The following SLC29A1 variants were observed in gnomAD, a reference collection of about 807,000 sequenced individuals.
The protein encoded by SLC29A1 is solute carrier family 29 member 1 (Augustine blood group).
A neutral mutation model predicts 48.3 loss-of-function variants in SLC29A1; 22 were observed. The ratio of observed to expected loss-of-function variants is 0.46; its 90% confidence interval spans 0.33 to 0.65. The LOEUF (loss-of-function observed/expected upper bound fraction) is 0.65, where lower values mean the gene tolerates loss of function less well. Among genes scored for constraint, SLC29A1 ranks in the 30% least tolerant of loss-of-function variants. SLC29A1 has a pLI of 0.03. For missense variants in SLC29A1, 491 were observed against 575.3 expected, an observed-to-expected ratio of 0.85 and a Z score of 1.50; for synonymous variants, 228 against 231.0, an observed-to-expected ratio of 0.99 and a Z score of 0.12.
At position 44,229,247 on chromosome 6, in the gene SLC29A1, A is replaced by C; in HGVS notation, c.30-143A>C. On this transcript the variant is annotated intron_variant, in intron 2 of 12. Transcript: ENST00000371755. This position sits in a 1 kb window ranked among gnomAD's most constrained non-coding sequence, Gnocchi z 5.1. Reference sequence around the variant, plus strand: ...TTTCTCCCCCCACACCCATAAGAGGACACATGCAAACGGACACAAACACAG... The same window carrying C: ...TTTCTCCCCCCACACCCATAAGAGGCCACATGCAAACGGACACAAACACAG... 1 of 722,178 alleles carries C rather than the reference A, an allele frequency of 1.4e-6. No individual in the cohort carries two copies. Among genetic ancestry groups the C allele is most frequent in the South Asian group, 1.6e-5 (1 of 64,000 alleles). The allele number at this position is 722,178 out of a possible 1,614,324, so 44.7% of individuals were successfully genotyped here. A position where few individuals can be genotyped will look rare whatever the true frequency, so the allele number is the denominator to read the frequency against.
At chr6:44,219,966 C>A (rs1035804073), upstream of SLC29A1, among the ~76,000 whole-genome samples, 5 of 152,248 alleles carry the variant, frequency 3.3e-5, no homozygotes, top group Admixed American at 1.3e-4. Flanking sequence ...CTTCGAAGGC[C>A]ATTATTAGAT....
Position 44,230,472 on chromosome 6 carries a change from G to C in SLC29A1, c.580G>C (p.Ala194Pro). 6.2e-7 allele frequency: 1 copy of C among 1,613,810 alleles called. No homozygotes were observed. The highest frequency in any genetic ancestry group is 8.5e-7 in the Non-Finnish European group (1 of 1,179,940). The change falls in exon 6 of 13, where the codon GCT becomes CCT. Residue 194 changes from alanine to proline, a missense_variant. Physicochemically the swap from Ala to Pro is conservative, Grantham distance 27 (BLOSUM62 -1). Coordinates refer to ENST00000371755, the MANE Select transcript of SLC29A1 (RefSeq NM_001372327.1). The stretch of plus-strand genomic sequence containing the variant: ...CTTTGCCTCCGTGGCCATGATCTGC[G>C]CTATTGCCAGTAAGTCCGGCTATCT... ...GFFASVAMIC[A>P]IASGSELSES...
chr6:44,233,043 C>T, intron 12 of SLC29A1, 37 bp downstream of exon 12: 1 of 1,595,286 alleles, frequency 6.3e-7, no homozygotes, highest in Non-Finnish European at 8.5e-7. Flanking sequence ...TGGCATCAGA[C>T]AGGATCTAGA....
chr6:44,226,371 C>G (rs1160998228), intron 1 of SLC29A1, among the ~76,000 whole-genome samples: 1 of 152,064 alleles, frequency 6.6e-6, no homozygotes, highest in Non-Finnish European at 1.5e-5. Context: ...GACGCTGAGG[C>G]AGAAGGATAG....
chr6:44,225,069 C>CTATT (rs1293239406), intron 1 of SLC29A1, among the ~76,000 whole-genome samples: 4 of 152,176 alleles, frequency 2.6e-5, no homozygotes, highest in African/African-American at 9.7e-5. Flanking sequence ...AGAACAGGAG[C>CTATT]TATTCTCCCC....
intron 7 of SLC29A1, 69 bp downstream of exon 7, chr6:44,230,734 G>A (rs543692667): frequency 2.5e-6 from 4 of 1,575,060 alleles, no homozygotes; most frequent in Admixed American, 3.3e-5. Context: ...GGTGTTCTGA[G>A]GACAAAACCT....
At chr6:44,225,525 G>GA (rs1369570721) in intron 1 of SLC29A1, among the ~76,000 whole-genome samples, 3 of 141,664 alleles carry the variant, frequency 2.1e-5, no homozygotes, top group African/African-American at 5.2e-5. Flanking sequence ...AAAAAAAAAA[G>GA]AAAAAATCTG....
intron 1 of SLC29A1, among the ~76,000 whole-genome samples, chr6:44,225,254 C>T (rs368726276): frequency 6.6e-6 from 1 of 152,096 alleles, no homozygotes; most frequent in African/African-American, 2.4e-5. Context: ...GCCTGTAATC[C>T]CAGCACTTTG....
At chr6:44,224,347 GCTCCCC>G (rs1415079495) in intron 1 of SLC29A1, among the ~76,000 whole-genome samples, 1 of 151,520 alleles carries the variant, frequency 6.6e-6, no homozygotes, top group Non-Finnish European at 1.5e-5. Context: ...GCTTGTGTAA[GCTCCCC>G]ATGCCAGGAT....
chr6:44,223,399 G>T, upstream of SLC29A1: 1 of 296,324 alleles, frequency 3.4e-6, no homozygotes, highest in Non-Finnish European at 5.0e-6. This position sits in a 1 kb window ranked among gnomAD's most constrained non-coding sequence, Gnocchi z 5.0. Flanking sequence ...CCTATCTACC[G>T]CAATAACACG....
At chr6:44,222,273 T>TGGGGGGGGG (rs1776528404), upstream of SLC29A1, among the ~76,000 whole-genome samples, 1 of 41,650 alleles carries the variant, frequency 2.4e-5, no homozygotes, top group Non-Finnish European at 4.9e-5. Context: ...GGGGGTGGGG[T>TGGGGGGGGG]GGGGGAGGGT....
chr6:44,227,126 G>A, intron 1 of SLC29A1, 137 bp from the exon 2 acceptor site: 7 of 1,406,276 alleles, frequency 5.0e-6, no homozygotes, highest in Non-Finnish European at 6.6e-6. Flanking sequence ...TCGTCCTGAG[G>A]GGCAGGGTGC....
intron 7 of SLC29A1, 35 bp downstream of exon 7, chr6:44,230,700 A>C: frequency 2.9e-6 from 1 of 341,108 alleles, no homozygotes; most frequent in Non-Finnish European, 5.4e-6. Flanking sequence ...TTTGGGGTAT[A>C]GGGGTCTGGG....
At chr6:44,225,808 T>G (rs1777396760) in intron 1 of SLC29A1, 1 of 152,156 alleles carries the variant, frequency 6.6e-6, no homozygotes, top group South Asian at 2.1e-4. Context: ...GGAGAGCCCG[T>G]GGAAGGTCTC....
At chr6:44,221,730 C>CA, upstream of SLC29A1, 1 of 1,017,634 alleles carries the variant, frequency 9.8e-7, no homozygotes. This position sits in a 1 kb window ranked among gnomAD's most constrained non-coding sequence, Gnocchi z 4.2. Context: ...CCCTGGCACC[C>CA]AGCAACCTCT....
Position 44,233,739 on chromosome 6 carries a change from G to T in SLC29A1, c.*211G>T. 1 of 583,016 alleles carries T rather than the reference G, an allele frequency of 1.7e-6. No homozygotes were observed. The highest frequency in any genetic ancestry group is 3.1e-6 in the Non-Finnish European group (1 of 325,862). The allele number at this position is 583,016 out of a possible 1,614,324, so 36.1% of individuals were successfully genotyped here. ...TTGTGGGTTTGGGGCTCAGAGTCGA[G>T]GGACGGGGTGTAGCCTCGGCATTTG... On this transcript the variant is annotated 3_prime_UTR_variant, in exon 13 of 13. Coordinates refer to ENST00000371755, the MANE Select transcript of SLC29A1 (RefSeq NM_001372327.1).
In SLC29A1 at chr6:44,230,176, G is replaced by A; in HGVS notation, c.454+130G>A. Reference sequence around the variant, plus strand: ...AGGGAGTGGATGCTGTGAGCAGCTGGGATTCAGAGGCCTGAGTGGGCCTGG... The same window carrying A: ...AGGGAGTGGATGCTGTGAGCAGCTGAGATTCAGAGGCCTGAGTGGGCCTGG... On this transcript the variant is annotated intron_variant, in intron 5 of 12. Transcript: ENST00000371755. 2.0e-6 allele frequency: 3 copies of A among 1,480,670 alleles called. No individual in the cohort carries two copies. In the South Asian group the frequency reaches 3.4e-5, roughly 17 times the overall value. 91.7% of individuals were successfully genotyped at this position (1,480,670 alleles called of 1,614,324 possible).
Position 44,230,549 on chromosome 6 carries a change from A to G in SLC29A1, c.590-19A>G, listed in dbSNP as rs1778591983. The G allele has an allele frequency of 6.2e-7, 1 of 1,613,862 alleles. No homozygotes were observed. The highest frequency in any genetic ancestry group is 1.3e-5 in the African/African-American group (1 of 74,922). On this transcript the variant is annotated intron_variant, in intron 6 of 12. Coordinates refer to ENST00000371755, the MANE Select transcript of SLC29A1 (RefSeq NM_001372327.1). ...GGAGAGGGGATGGGGCCTGTCTCTG[A>G]TCACTGACACCACCCCAGGTGGCTC...
At chr6:44,226,306 T>C (rs1188535389) in intron 1 of SLC29A1, 2 of 168,064 alleles carry the variant, frequency 1.2e-5, no homozygotes, top group Non-Finnish European at 2.4e-5. Context: ...GGGAAAGCTG[T>C]TTAATCTGCT....
Sources: gnomAD v4.1 joint callset for allele counts (sites outside exome capture counted in the v4.1 genomes callset) on GRCh38, gnomAD v4.1.1 for gene constraint, Gnocchi (gnomAD v3.1) non-coding constraint, MANE v1.5 for transcripts, NCBI Gene and HGNC (gene_info 2026-07-23, HGNC 2026-07-21) for gene names.